Variants in BBX observed in about 807,000 individuals in gnomAD.
BBX encodes the protein HMG box transcription factor BBX.
BBX carries 30 observed loss-of-function variants against 100.2 expected under a neutral mutation model. That is an observed-to-expected ratio of 0.30 (90% confidence interval 0.22 to 0.41). BBX has a LOEUF of 0.41. Among genes scored for constraint, BBX ranks in the 10% least tolerant of loss-of-function variants. The pLI, the probability that BBX is intolerant of heterozygous loss-of-function variation, is 1.00. For missense variants in BBX, 1,023 were observed against 1,129.8 expected, an observed-to-expected ratio of 0.91 and a Z score of 1.35; for synonymous variants, 376 against 388.1, an observed-to-expected ratio of 0.97 and a Z score of 0.37.
chr3:107,760,457 T>C (rs1184394989), intron 10 of BBX, among the ~76,000 whole-genome samples: 1 of 152,246 alleles, frequency 6.6e-6, no homozygotes, highest in African/African-American at 2.4e-5. Context: ...GAATGTGCTT[T>C]GGAAGATACT....
chr3:107,665,739 C>T (rs2058706763), intron 3 of BBX, among the ~76,000 whole-genome samples: 1 of 152,212 alleles, frequency 6.6e-6, no homozygotes, highest in Admixed American at 6.5e-5. Context: ...ACCCGACAGC[C>T]ATGCCCAGGG....
At chr3:107,616,801 G>A (rs1369568089) in intron 2 of BBX, among the ~76,000 whole-genome samples, 2 of 152,000 alleles carry the variant, frequency 1.3e-5, no homozygotes, top group Non-Finnish European at 2.9e-5. Flanking sequence ...CTAGCACCTT[G>A]TTATATATGT....
At chr3:107,698,550 G>A (rs911656181) in intron 3 of BBX, among the ~76,000 whole-genome samples, 1 of 151,328 alleles carries the variant, frequency 6.6e-6, no homozygotes, top group African/African-American at 2.5e-5. Flanking sequence ...AACTTAGGAG[G>A]CTGAGGCAGA....
intron 3 of BBX, among the ~76,000 whole-genome samples, chr3:107,705,498 CTG>C (rs1560008214): frequency 1.3e-5 from 2 of 152,224 alleles, no homozygotes; most frequent in South Asian, 4.1e-4. Context: ...CTGTTTCTGA[CTG>C]TGTATCACTC....
intron 3 of BBX, among the ~76,000 whole-genome samples, chr3:107,671,352 A>C (rs888257789): frequency 6.6e-6 from 1 of 151,944 alleles, no homozygotes; most frequent in Non-Finnish European, 1.5e-5. Flanking sequence ...TTTGTCTTAA[A>C]ATTTGTAGAG....
Position 107,791,276 on chromosome 3 carries a change from T to G in BBX, c.2330T>G (p.Leu777Trp), listed in dbSNP as rs2068994579. The stretch of plus-strand genomic sequence containing the variant: ...AAATGGTCAAACAAGCAACTCTTCT[T>G]GGATGCCATTCACCCTACAGAAGGT... ...GDKWSNKQLF[L>W]DAIHPTEAIF... Residue 777 changes from leucine to tryptophan, a missense_variant, in exon 15 of 18, where the codon TTG becomes TGG. By Grantham distance (61) the Leu-to-Trp change is moderately conservative. Around this residue, in one of 9 missense-constraint regions of BBX, gnomAD observed 215 missense variants for 211.3 expected, o/e 1.02. Coordinates refer to ENST00000325805, the MANE Select transcript of BBX (RefSeq NM_001142568.3). 4 of 1,613,496 alleles carry G rather than the reference T, an allele frequency of 2.5e-6. No homozygotes were observed. The highest frequency in any genetic ancestry group is 3.4e-6 in the Non-Finnish European group (4 of 1,179,584).
intron 2 of BBX, among the ~76,000 whole-genome samples, chr3:107,568,773 G>A (rs2051129132): frequency 6.6e-6 from 1 of 152,106 alleles, no homozygotes; most frequent in Admixed American, 6.5e-5. Context: ...TTTCAGTGGT[G>A]TCCTAACAGT....
At chr3:107,723,596 T>G (rs2062699676) in intron 5 of BBX, among the ~76,000 whole-genome samples, 1 of 152,028 alleles carries the variant, frequency 6.6e-6, no homozygotes, top group South Asian at 2.1e-4. Flanking sequence ...GTGTGTGATG[T>G]TCCCCTTCCT....
intron 3 of BBX, among the ~76,000 whole-genome samples, chr3:107,664,818 C>G (rs1241854693): frequency 6.6e-6 from 1 of 152,206 alleles, no homozygotes; most frequent in South Asian, 2.1e-4. Flanking sequence ...GAGTGACCCA[C>G]AGAGGACTAT....
At chr3:107,734,418 A>ACAT in intron 7 of BBX, among the ~76,000 whole-genome samples, 1 of 152,332 alleles carries the variant, frequency 6.6e-6, no homozygotes, top group South Asian at 2.1e-4. Context: ...AGTTTCTAAC[A>ACAT]TAATAGCATT....
chr3:107,622,703 T>C (rs1429288219), intron 2 of BBX, among the ~76,000 whole-genome samples: 1 of 152,228 alleles, frequency 6.6e-6, no homozygotes, highest in Non-Finnish European at 1.5e-5. Flanking sequence ...AATTGAGATT[T>C]TTAAATTTAT....
At position 107,543,298 on chromosome 3, in the gene BBX, T is replaced by C. The variant is rs139548809; in HGVS notation, c.-84+16900T>C. Among the ~76,000 whole-genome samples the C allele has an allele frequency of 1.7e-4, 26 of 152,312 alleles. No homozygotes were observed. The East Asian group carries it at 4.8e-3, about 28-fold the overall frequency. On this transcript the variant is annotated intron_variant, in intron 2 of 17. Transcript: ENST00000325805. ...GAGTGGCAGAGGTGGAACTGAGATA[T>C]AAGACTTCTGGTTTGGTGTTTTGCT...
At position 107,669,487 on chromosome 3, in the gene BBX, C is replaced by G. The variant is rs372893117; in HGVS notation, c.-10+23578C>G. On this transcript the variant is annotated intron_variant, in intron 3 of 17. Transcript: ENST00000325805. ...GGTGGGAAGGGGCACAAAAAAGATG[C>G]GGAATACCAAACTAAGGAATTAAAT... Among the ~76,000 whole-genome samples, 4 of 151,928 alleles carry G rather than the reference C, an allele frequency of 2.6e-5. No individual in the cohort carries two copies. In the East Asian group the frequency reaches 7.7e-4, roughly 29 times the overall value.
intron 2 of BBX, among the ~76,000 whole-genome samples, chr3:107,602,293 A>G (rs1647647789): frequency 6.6e-6 from 1 of 152,260 alleles, no homozygotes; most frequent in African/African-American, 2.4e-5. Context: ...AAGTCTTATT[A>G]TTTAAGAAAT....
At chr3:107,676,232 A>G (rs2059272868) in intron 3 of BBX, among the ~76,000 whole-genome samples, 1 of 152,210 alleles carries the variant, frequency 6.6e-6, no homozygotes, top group Non-Finnish European at 1.5e-5. Context: ...GTTTAATTAT[A>G]AATTGTATCT....
chr3:107,609,811 C>CA (rs1484613183), intron 2 of BBX, among the ~76,000 whole-genome samples: 2 of 151,488 alleles, frequency 1.3e-5, no homozygotes, highest in South Asian at 2.1e-4. Flanking sequence ...TTTATCTTTT[C>CA]AAAAAAACCA....
chr3:107,612,792 G>T (rs1328860964), intron 2 of BBX, among the ~76,000 whole-genome samples: 3 of 152,220 alleles, frequency 2.0e-5, no homozygotes, highest in Non-Finnish European at 4.4e-5. Flanking sequence ...ACAGTCAGCA[G>T]ATAGTCAAGG....
chr3:107,591,859 T>G (rs1344187224), intron 2 of BBX, among the ~76,000 whole-genome samples: 1 of 151,966 alleles, frequency 6.6e-6, no homozygotes, highest in Non-Finnish European at 1.5e-5. Context: ...TGAGGCAGAG[T>G]ATTATAGGTG....
At chr3:107,790,303 G>C (rs1235061296) in intron 14 of BBX, among the ~76,000 whole-genome samples, 3 of 152,130 alleles carry the variant, frequency 2.0e-5, no homozygotes, top group Non-Finnish European at 4.4e-5. Context: ...CCCCGTTTCT[G>C]TACTTCCTCT....
Sources: gnomAD v4.1 joint callset for allele counts (sites outside exome capture counted in the v4.1 genomes callset) on GRCh38, gnomAD v4.1.1 for gene constraint, gnomAD v4.1.1 regional missense constraint, MANE v1.5 for transcripts, NCBI Gene and HGNC (gene_info 2026-07-23, HGNC 2026-07-21) for gene names.